PAM: variants seen among roughly 807,000 people sequenced by gnomAD.
The protein encoded by PAM is peptidylglycine alpha-amidating monooxygenase.
Under a neutral mutation model 122.1 loss-of-function variants are expected in PAM, and 72 were observed. That is an observed-to-expected ratio of 0.59 (90% CI 0.49 to 0.72). The LOEUF is 0.72. Among genes scored for constraint, PAM ranks in the 30% least tolerant of loss-of-function variants. The probability of loss-of-function intolerance (pLI) is 0.00; values close to 1 mark genes in which losing one functional copy is unlikely to be tolerated. For synonymous variants in PAM, 389 were observed against 404.4 expected, an observed-to-expected ratio of 0.96 and a Z score of 0.46; for missense variants, 1,106 against 1,183.7, an observed-to-expected ratio of 0.93 and a Z score of 0.96.
At chr5:102,851,565 C>T (rs1310092815) in intron 1 of PAM, among the ~76,000 whole-genome samples, 1 of 152,120 alleles carries the variant, frequency 6.6e-6, no homozygotes, top group Non-Finnish European at 1.5e-5. Context: ...TAAGATAAAG[C>T]TTACTGATAA....
Position 103,005,516 on chromosome 5 carries a change from G to A in PAM, c.1803+290G>A, listed in dbSNP as rs114913100. 2.9e-3 allele frequency among the ~76,000 whole-genome samples: 437 copies of A among 152,232 alleles called. 1 individual carries two copies. The highest frequency in any genetic ancestry group is 9.9e-3 in the African/African-American group (412 of 41,528). On this transcript the variant is annotated intron_variant, in intron 18 of 25. Coordinates refer to ENST00000438793, the MANE Select transcript of PAM (RefSeq NM_001177306.2). ...AGTGAGGGCCCTCTTCTGGGTTATA[G>A]GCTGCTAATTTCTCATAGTATCCTT...
intron 1 of PAM, among the ~76,000 whole-genome samples, chr5:102,818,364 A>T (rs1770634812): frequency 6.6e-6 from 1 of 152,120 alleles, no homozygotes; most frequent in African/African-American, 2.4e-5. Context: ...TTTCAAAAAC[A>T]ATTGTGAGAT....
At chr5:102,866,352 G>C (rs1785554042) in intron 2 of PAM, 68 bp downstream of exon 2, 4 of 996,676 alleles carry the variant, frequency 4.0e-6, no homozygotes, top group Non-Finnish European at 6.4e-6. Context: ...TTATGAACCT[G>C]AGTGTTGGCA....
intron 15 of PAM, among the ~76,000 whole-genome samples, chr5:102,980,211 A>T (rs948678057): frequency 1.3e-5 from 2 of 152,182 alleles, no homozygotes; most frequent in Non-Finnish European, 2.9e-5. Flanking sequence ...GCCCAAGGTC[A>T]TGGGTAAGAA....
intron 1 of PAM, among the ~76,000 whole-genome samples, chr5:102,823,281 T>C (rs1008135323): frequency 2.0e-5 from 3 of 152,122 alleles, no homozygotes; most frequent in Admixed American, 1.3e-4. Flanking sequence ...TAGAGTAAAA[T>C]CACAATGTTT....
intron 1 of PAM, among the ~76,000 whole-genome samples, chr5:102,823,354 G>A (rs1377024497): frequency 6.6e-6 from 1 of 151,790 alleles, no homozygotes; most frequent in Non-Finnish European, 1.5e-5. Flanking sequence ...TAAATTTCAG[G>A]GAAGAACTTT....
At chr5:103,025,529 G>T in intron 24 of PAM, 195 bp downstream of exon 24, 1 of 612,034 alleles carries the variant, frequency 1.6e-6, no homozygotes, top group Non-Finnish European at 2.9e-6. Context: ...AATAGTATCT[G>T]GAGACTCTGA....
At chr5:102,831,061 T>C (rs1775299721) in intron 1 of PAM, among the ~76,000 whole-genome samples, 1 of 83,844 alleles carries the variant, frequency 1.2e-5, no homozygotes, top group Non-Finnish European at 2.4e-5. Flanking sequence ...GGAATTTTGG[T>C]CACTTGGAGG....
intron 22 of PAM, among the ~76,000 whole-genome samples, chr5:103,017,648 T>C (rs1782416483): frequency 6.6e-6 from 1 of 152,222 alleles, no homozygotes; most frequent in African/African-American, 2.4e-5. Context: ...AGGAAATTCT[T>C]GATGCCTGAA....
intron 7 of PAM, among the ~76,000 whole-genome samples, chr5:102,927,656 G>A (rs1218478274): frequency 6.6e-6 from 1 of 151,904 alleles, no homozygotes; most frequent in Non-Finnish European, 1.5e-5. Flanking sequence ...AACGAGGACA[G>A]TAAATGCAGT....
chr5:102,974,013 T>C, intron 14 of PAM, 103 bp from the exon 15 acceptor site: 1 of 726,556 alleles, frequency 1.4e-6, no homozygotes, highest in Non-Finnish European at 2.3e-6. Context: ...TTCTCTCTTA[T>C]TTATTATGAG....
intron 16 of PAM, among the ~76,000 whole-genome samples, chr5:103,002,223 GATA>G (rs1777608351): frequency 6.6e-6 from 1 of 151,936 alleles, no homozygotes; most frequent in Non-Finnish European, 1.5e-5. Flanking sequence ...CCATGTCTGT[GATA>G]ATTGTGAATT....
At chr5:102,928,701 G>A (rs909080996) in intron 7 of PAM, among the ~76,000 whole-genome samples, 1 of 152,040 alleles carries the variant, frequency 6.6e-6, no homozygotes, top group African/African-American at 2.4e-5. Flanking sequence ...GGGAAGTGGT[G>A]GATATTAAAT....
intron 7 of PAM, among the ~76,000 whole-genome samples, chr5:102,942,074 T>C (rs905683118): frequency 3.9e-5 from 6 of 152,048 alleles, no homozygotes; most frequent in African/African-American, 9.7e-5. Flanking sequence ...AAATATCTTT[T>C]TAAAAAAACA....
At chr5:102,821,498 A>G (rs571983077) in intron 1 of PAM, among the ~76,000 whole-genome samples, 21 of 152,272 alleles carry the variant, frequency 1.4e-4, no homozygotes, top group Admixed American at 1.3e-3. Context: ...GTTTACATTT[A>G]CAAATACCCA....
At chr5:102,879,691 G>A (rs920928301) in intron 3 of PAM, among the ~76,000 whole-genome samples, 6 of 152,110 alleles carry the variant, frequency 3.9e-5, no homozygotes, top group African/African-American at 1.4e-4. Context: ...AGAACTGTAA[G>A]CCAATTAAAC....
intron 18 of PAM, among the ~76,000 whole-genome samples, chr5:103,005,928 G>A (rs926793410): frequency 2.1e-4 from 30 of 145,246 alleles, no homozygotes; most frequent in African/African-American, 7.4e-4. Context: ...TGTTGTTGTT[G>A]TTGTTGCTGT....
chr5:102,927,781 A>AAT (rs1006285734), intron 7 of PAM, among the ~76,000 whole-genome samples: 83 of 149,250 alleles, frequency 5.6e-4, no homozygotes, highest in Non-Finnish European at 1.1e-3. Context: ...TATATAAATT[A>AAT]ATATATATAT....
chr5:102,797,484 A>G (rs1397233336), intron 1 of PAM, among the ~76,000 whole-genome samples: 1 of 152,202 alleles, frequency 6.6e-6, no homozygotes. Flanking sequence ...ATGTGTTTTC[A>G]GCAGGTGGCT....
Sources: allele counts gnomAD v4.1 joint callset (sites outside exome capture counted in the v4.1 genomes callset), GRCh38; gene constraint gnomAD v4.1.1; transcripts MANE v1.5; gene names NCBI Gene and HGNC (gene_info 2026-07-23, HGNC 2026-07-21).